APP: variants seen among roughly 807,000 people sequenced by gnomAD.
APP encodes the protein amyloid beta precursor protein.
APP carries 31 observed loss-of-function variants against 101.4 expected under a neutral mutation model. That is an observed-to-expected ratio of 0.31 (90% CI 0.23 to 0.41). APP has a LOEUF of 0.41. APP is among the 10% of genes least tolerant of loss of function. APP has a pLI of 1.00. For synonymous variants in APP, 366 were observed against 364.4 expected (o/e 1.00, Z -0.05); for missense variants, 839 against 1,003.7 (o/e 0.84, Z 2.22).
chr21:26,115,116 G>C (rs2062406601), intron 1 of APP, among the ~76,000 whole-genome samples: 1 of 152,180 alleles, frequency 6.6e-6, no homozygotes, highest in African/African-American at 2.4e-5. Context: ...TAAATGTTTG[G>C]AGAATCGTGA....
chr21:26,125,145 G>C (rs2062654806), intron 1 of APP, among the ~76,000 whole-genome samples: 1 of 152,170 alleles, frequency 6.6e-6, no homozygotes, highest in African/African-American at 2.4e-5. Flanking sequence ...GTAGCACAAG[G>C]CTAGCGTCCA....
intron 3 of APP, among the ~76,000 whole-genome samples, chr21:26,081,572 T>C (rs2061599890): frequency 6.6e-6 from 1 of 151,076 alleles, no homozygotes; most frequent in South Asian, 2.1e-4. Context: ...TCACTTCTTT[T>C]GTGATTCTTC....
chr21:26,110,768 T>C (rs2062299953), intron 2 of APP, among the ~76,000 whole-genome samples: 2 of 152,220 alleles, frequency 1.3e-5, no homozygotes, highest in East Asian at 3.9e-4. Flanking sequence ...CCAAGTAGGC[T>C]AAAGAAAAAT....
intron 1 of APP, among the ~76,000 whole-genome samples, chr21:26,117,223 A>C (rs1030975324): frequency 1.3e-5 from 2 of 152,244 alleles, no homozygotes; most frequent in African/African-American, 4.8e-5. Context: ...TGGTTTCCTG[A>C]CATAAATACT....
intron 3 of APP, among the ~76,000 whole-genome samples, chr21:26,057,106 T>C (rs2046073190): frequency 1.3e-5 from 2 of 152,206 alleles, no homozygotes; most frequent in Non-Finnish European, 2.9e-5. Flanking sequence ...TGCTGTGAAC[T>C]TCCACTGCTT....
At chr21:25,969,628 C>T (rs1158151848) in intron 11 of APP, among the ~76,000 whole-genome samples, 1 of 151,596 alleles carries the variant, frequency 6.6e-6, no homozygotes, top group African/African-American at 2.4e-5. Context: ...TCGCTTGAGG[C>T]CAGAAGTTCA....
At chr21:26,063,326 T>C (rs2046343288) in intron 3 of APP, among the ~76,000 whole-genome samples, 1 of 152,152 alleles carries the variant, frequency 6.6e-6, no homozygotes, top group South Asian at 2.1e-4. Flanking sequence ...CATGGACAAA[T>C]ACATTGCCTT....
chr21:25,900,987 CAAAAAAAA>C (rs71183520), intron 15 of APP, among the ~76,000 whole-genome samples: 5 of 118,546 alleles, frequency 4.2e-5, no homozygotes, highest in Non-Finnish European at 4.7e-5. Context: ...GACTCCATCT[CAAAAAAAA>C]AAAAAAAAAG....
chr21:26,025,280 T>A (rs1364499065), intron 5 of APP, among the ~76,000 whole-genome samples: 1 of 152,246 alleles, frequency 6.6e-6, no homozygotes, highest in Admixed American at 6.5e-5. Context: ...ACCTGATGCA[T>A]GTCATCAGTT....
At position 25,912,517 on chromosome 21, in the gene APP, C is replaced by T. The variant is rs960595824; in HGVS notation, c.1688-555G>A. On this transcript the variant is annotated intron_variant, in intron 13 of 17. Coordinates refer to ENST00000346798, the MANE Select transcript of APP (RefSeq NM_000484.4). ...TGCCTTGAAAAAAAATCTGCATTTC[C>T]TAAATGCTCCTCTTGTGCTGCATGA... Among the ~76,000 whole-genome samples the T allele has an allele frequency of 9.2e-5, 14 of 152,172 alleles. No homozygotes were observed. The South Asian group carries it at 1.0e-3, about 11-fold the overall frequency.
chr21:26,059,431 T>A (rs1002627123), intron 3 of APP, among the ~76,000 whole-genome samples: 37 of 152,152 alleles, frequency 2.4e-4, no homozygotes, highest in African/African-American at 8.4e-4. Context: ...TGCCAAAGCC[T>A]CGGTTTCCTT....
chr21:25,981,325 C>A (rs9980841), intron 9 of APP, among the ~76,000 whole-genome samples: 1 of 151,968 alleles, frequency 6.6e-6, no homozygotes, highest in South Asian at 2.1e-4. Context: ...ACAAAAATTT[C>A]TCCTATCTTC....
intron 1 of APP, among the ~76,000 whole-genome samples, chr21:26,125,383 C>T (rs552290534): frequency 1.4e-4 from 22 of 152,256 alleles, no homozygotes; most frequent in African/African-American, 5.1e-4. Context: ...ATTGTATATT[C>T]ATGATTATTA....
chr21:26,047,415 A>C (rs1307480385), intron 5 of APP, among the ~76,000 whole-genome samples: 1 of 152,230 alleles, frequency 6.6e-6, no homozygotes, highest in African/African-American at 2.4e-5. Context: ...AAGTGTCAAA[A>C]GGAGGGCTGG....
chr21:26,030,026 C>T (rs2044751795), intron 5 of APP, among the ~76,000 whole-genome samples: 1 of 152,174 alleles, frequency 6.6e-6, no homozygotes, highest in Admixed American at 6.5e-5. Flanking sequence ...TGTAAACCAG[C>T]AGTTCCTGGG....
chr21:26,015,345 A>C (rs140597710), intron 6 of APP, among the ~76,000 whole-genome samples: 1 of 152,306 alleles, frequency 6.6e-6, no homozygotes, highest in East Asian at 1.9e-4. Context: ...GTTTCCTATA[A>C]ATTAATTAAT....
intron 15 of APP, chr21:25,897,960 C>A: frequency 2.3e-6 from 1 of 439,900 alleles, no homozygotes; most frequent in Non-Finnish European, 4.1e-6. Context: ...GAAGTTAAAT[C>A]CTGGTTGAGA....
chr21:25,961,156 T>TG lies in APP; in HGVS notation c.1459-5402dup, dbSNP rs370678892. On this transcript the variant is annotated intron_variant, in intron 11 of 17. Coordinates refer to ENST00000346798, the MANE Select transcript of APP (RefSeq NM_000484.4). ...AATCAGAAACTCAAAAGAATGCAAC[T>TG]GTTCATCTCACCTATCTCTGACCTA... Among the ~76,000 whole-genome samples, 503 of 152,316 alleles carry TG rather than the reference T, an allele frequency of 3.3e-3. 6 individuals are homozygous for TG. Among genetic ancestry groups the TG allele is most frequent in the African/African-American group, 0.012 (485 of 41,568 alleles).
rs1257288749 is a variant in APP at position 25,955,665 on chromosome 21, T to C, written c.1549A>G (p.Met517Val). ...HTLKHFEHVR[M>V]VDPKKAAQIR... Reference sequence around the variant, plus strand: ...TGAGCGGCTTTCTTGGGATCCACCATGCGCACATGCTCGAAATGCTTTAGG... The same window carrying C: ...TGAGCGGCTTTCTTGGGATCCACCACGCGCACATGCTCGAAATGCTTTAGG... The change falls in exon 12 of 18, where the codon ATG (methionine) becomes GTG (valine). Residue 517 changes from methionine to valine, a missense_variant. Met to Val is a conservative substitution (Grantham distance 21, BLOSUM62 1). Coordinates refer to ENST00000346798, the MANE Select transcript of APP (RefSeq NM_000484.4). The C allele has an allele frequency of 4.3e-6, 7 of 1,614,220 alleles. No homozygotes were observed. The highest frequency in any genetic ancestry group is 5.1e-6 in the Non-Finnish European group (6 of 1,180,036).
Sources: allele counts gnomAD v4.1 joint callset (sites outside exome capture counted in the v4.1 genomes callset), GRCh38; gene constraint gnomAD v4.1.1; transcripts MANE v1.5; gene names NCBI Gene and HGNC (gene_info 2026-07-23, HGNC 2026-07-21).